SORCS3: variants seen among roughly 807,000 people sequenced by gnomAD.
The protein encoded by SORCS3 is sortilin related VPS10 domain containing receptor 3.
Under a neutral mutation model 146.3 loss-of-function variants are expected in SORCS3, and 57 were observed. The ratio of observed to expected loss-of-function variants is 0.39; its 90% confidence interval spans 0.31 to 0.49. SORCS3 has a LOEUF of 0.49. Among genes scored for constraint, SORCS3 ranks in the 20% least tolerant of loss-of-function variants. The pLI, the probability that SORCS3 is intolerant of heterozygous loss-of-function variation, is 0.92. For synonymous variants in SORCS3, 653 were observed against 618.5 expected (o/e 1.06, Z -0.83); for missense variants, 1,341 against 1,575.5 (o/e 0.85, Z 2.52).
chr10:104,683,163 G>A (rs1163935613), intron 1 of SORCS3, among the ~76,000 whole-genome samples: 4 of 152,208 alleles, frequency 2.6e-5, no homozygotes, highest in Non-Finnish European at 5.9e-5. Flanking sequence ...TCAAGTCAAG[G>A]TAACATTGGA....
chr10:105,189,914 G>A (rs759088841), intron 14 of SORCS3, among the ~76,000 whole-genome samples: 4 of 152,234 alleles, frequency 2.6e-5, no homozygotes, highest in East Asian at 1.9e-4. Flanking sequence ...TCTTCATGCA[G>A]TAGATGCTTT....
At chr10:104,792,882 G>A (rs11192190) in intron 1 of SORCS3, among the ~76,000 whole-genome samples, 1,788 of 152,090 alleles carry the variant, frequency 0.012, 34 homozygotes, top group African/African-American at 0.041. Context: ...CACAATGTCT[G>A]TGTTCTTACT....
chr10:105,147,279 G>A (rs997463381), intron 8 of SORCS3, among the ~76,000 whole-genome samples: 24 of 152,082 alleles, frequency 1.6e-4, no homozygotes, highest in Admixed American at 3.3e-4. Flanking sequence ...TGTCTTCATT[G>A]CATGTGTGAG....
At chr10:104,924,374 A>G (rs1475360252) in intron 3 of SORCS3, among the ~76,000 whole-genome samples, 1 of 152,254 alleles carries the variant, frequency 6.6e-6, no homozygotes, top group Non-Finnish European at 1.5e-5. Flanking sequence ...GAATAAGGTG[A>G]GCACAAATAT....
intron 1 of SORCS3, among the ~76,000 whole-genome samples, chr10:104,684,779 G>GTTTTTTTTTTTTTT (rs764055039): frequency 2.5e-5 from 2 of 81,536 alleles, no homozygotes; most frequent in African/African-American, 4.7e-5. Context: ...AGTCCTCAGT[G>GTTTTTTTTTTTTTT]TTTTTTTTTT....
intron 20 of SORCS3, among the ~76,000 whole-genome samples, chr10:105,245,252 A>T (rs1357949662): frequency 2.0e-5 from 3 of 152,118 alleles, no homozygotes; most frequent in African/African-American, 7.2e-5. Context: ...ACAGGTTACA[A>T]AAGCTGTTTC....
intron 20 of SORCS3, among the ~76,000 whole-genome samples, chr10:105,227,640 G>A (rs955845040): frequency 1.3e-5 from 2 of 152,082 alleles, no homozygotes; most frequent in Non-Finnish European, 2.9e-5. Flanking sequence ...AAAGTGGAGT[G>A]TTGAAGTTCC....
intron 1 of SORCS3, among the ~76,000 whole-genome samples, chr10:104,673,186 T>A (rs766495651): frequency 1.3e-5 from 2 of 152,194 alleles, no homozygotes; most frequent in African/African-American, 2.4e-5. Flanking sequence ...TATAATTGGA[T>A]CATGTTTTAA....
rs2056972699 is a variant in SORCS3 at position 105,263,340 on chromosome 10, G to T, written c.3635G>T (p.Ser1212Ile). 6.2e-7 allele frequency: 1 copy of T among 1,613,976 alleles called. No individual in the cohort carries two copies. The highest frequency in any genetic ancestry group is 1.3e-5 in the African/African-American group (1 of 74,928). The change falls in exon 27 of 27, where the codon AGC becomes ATC. Residue 1212 changes from serine (S) to isoleucine (I), a missense_variant. By Grantham distance (142) the Ser-to-Ile change is moderately radical. Coordinates refer to ENST00000369701, the MANE Select transcript of SORCS3 (RefSeq NM_014978.3). ...ATTGCCACTATTGCAAACAGCGAAA[G>T]CACAAAGGAGATCCCCAACTGCACT... ...GGIATIANSE[S>I]TKEIPNCTSV
At chr10:104,661,672 TATAGATAGATAG>T (rs112598598) in intron 1 of SORCS3, among the ~76,000 whole-genome samples, 4 of 151,560 alleles carry the variant, frequency 2.6e-5, no homozygotes, top group Non-Finnish European at 4.4e-5. Context: ...GATTTGGGAA[TATAGATAGATAG>T]ATAGATAGAT....
intron 1 of SORCS3, among the ~76,000 whole-genome samples, chr10:104,683,094 G>A (rs930394746): frequency 6.6e-6 from 1 of 152,212 alleles, no homozygotes; most frequent in Non-Finnish European, 1.5e-5. Flanking sequence ...AAATGTCCTA[G>A]GAGTAGGGAC....
intron 1 of SORCS3, among the ~76,000 whole-genome samples, chr10:104,836,999 A>G (rs1487319411): frequency 6.6e-6 from 1 of 152,154 alleles, no homozygotes; most frequent in African/African-American, 2.4e-5. Context: ...TTTGTTAATC[A>G]CATTTTCTGG....
chr10:104,690,168 C>G (rs2016095231), intron 1 of SORCS3, among the ~76,000 whole-genome samples: 1 of 152,160 alleles, frequency 6.6e-6, no homozygotes, highest in African/African-American at 2.4e-5. Context: ...GGGAGACTCC[C>G]TTATGCATAG....
chr10:104,677,095 A>G (rs2015920224), intron 1 of SORCS3, among the ~76,000 whole-genome samples: 1 of 152,238 alleles, frequency 6.6e-6, no homozygotes. Context: ...ACTGGGACAC[A>G]CAGAATAAGC....
chr10:105,254,984 C>T (rs2056921897), intron 23 of SORCS3, among the ~76,000 whole-genome samples: 1 of 151,032 alleles, frequency 6.6e-6, no homozygotes, highest in African/African-American at 2.4e-5. Context: ...GTCAGGAGAT[C>T]GAGACCATCC....
At chr10:104,831,540 G>A (rs2018000964) in intron 1 of SORCS3, among the ~76,000 whole-genome samples, 1 of 152,120 alleles carries the variant, frequency 6.6e-6, no homozygotes, top group Non-Finnish European at 1.5e-5. Flanking sequence ...ATTTATTAGG[G>A]GAACTTAGTA....
At chr10:104,787,681 T>C (rs1327550779) in intron 1 of SORCS3, among the ~76,000 whole-genome samples, 1 of 152,138 alleles carries the variant, frequency 6.6e-6, no homozygotes, top group Non-Finnish European at 1.5e-5. Flanking sequence ...AAAGGGACAA[T>C]GATGTCCATA....
chr10:104,927,803 G>A (rs55694660), intron 3 of SORCS3, among the ~76,000 whole-genome samples: 37,490 of 151,096 alleles, frequency 0.25, 5,532 homozygotes, highest in African/African-American at 0.41. Flanking sequence ...GCTTGAACCC[G>A]GGAGGTGGAG....
chr10:105,139,851 G>A (rs372016898), intron 8 of SORCS3, among the ~76,000 whole-genome samples: 4 of 152,078 alleles, frequency 2.6e-5, no homozygotes, highest in Admixed American at 1.3e-4. Flanking sequence ...GAGGACAGAC[G>A]CATAAAAGTG....
Sources: gnomAD v4.1 joint callset for allele counts (sites outside exome capture counted in the v4.1 genomes callset) on GRCh38, gnomAD v4.1.1 for gene constraint, MANE v1.5 for transcripts, NCBI Gene and HGNC (gene_info 2026-07-23, HGNC 2026-07-21) for gene names.